Variants in PEDS1 observed in about 807,000 individuals in gnomAD.
PEDS1 encodes CarF homolog.
A neutral mutation model predicts 35.2 loss-of-function variants in PEDS1; 14 were observed. The ratio of observed to expected loss-of-function variants is 0.40; its 90% CI spans 0.26 to 0.62. The LOEUF is 0.62. Among genes scored for constraint, PEDS1 ranks in the 20% least tolerant of loss-of-function variants. PEDS1 has a pLI of 0.44. For missense variants in PEDS1, 260 were observed against 367.8 expected, an observed-to-expected ratio of 0.71 and a Z score of 2.40; for synonymous variants, 152 against 152.0, an observed-to-expected ratio of 1.00 and a Z score of 0.00.
Position 50,142,149 on chromosome 20 carries a change from G to T in PEDS1, c.241+1353C>A, listed in dbSNP as rs1166905998. ...CTCTGAGCCTCAGTTCCCTCATCTGGAAAATGATGACAACCTTAGCGTAAG... is the reference window on the plus strand; with the variant it reads ...CTCTGAGCCTCAGTTCCCTCATCTGTAAAATGATGACAACCTTAGCGTAAG... On this transcript the variant is annotated intron_variant, in intron 2 of 5. Coordinates refer to ENST00000371652, the MANE Select transcript of PEDS1 (RefSeq NM_199129.4). Among the ~76,000 whole-genome samples, 4 of 152,320 alleles carry T rather than the reference G, an allele frequency of 2.6e-5. No individual in the cohort carries two copies. In the East Asian group the frequency reaches 7.7e-4, roughly 29 times the overall value.
rs915418226 is a variant in PEDS1 at position 50,119,786 on chromosome 20, G to A, written c.*5272C>T. Reference sequence around the variant, plus strand: ...ACTTTTCTCTGTAAAGGGCCAGATCGTAAATATTTTAGGCTGTGTGGACCA... The same window carrying A: ...ACTTTTCTCTGTAAAGGGCCAGATCATAAATATTTTAGGCTGTGTGGACCA... On this transcript the variant is annotated 3_prime_UTR_variant, in exon 6 of 6. Transcript: ENST00000371652. The A allele has an allele frequency of 1.1e-4, 16 of 152,204 alleles. No individual in the cohort carries two copies. Among genetic ancestry groups the A allele is most frequent in the Non-Finnish European group, 2.4e-4 (16 of 68,044 alleles). 9.4% of individuals were successfully genotyped at this position (152,204 alleles called of 1,614,324 possible).
chr20:50,152,145 A>C (rs1207464822), intron 1 of PEDS1, among the ~76,000 whole-genome samples: 1 of 152,208 alleles, frequency 6.6e-6, no homozygotes, highest in East Asian at 1.9e-4. Context: ...TGAAGAAACC[A>C]TAGCGGCATG....
At chr20:50,126,677 G>A (rs532360350) in intron 5 of PEDS1, among the ~76,000 whole-genome samples, 1 of 152,188 alleles carries the variant, frequency 6.6e-6, no homozygotes, top group Non-Finnish European at 1.5e-5. Flanking sequence ...GAGAAGCTGA[G>A]AGTTAGGCCT....
chr20:50,128,959 C>T lies in PEDS1; in HGVS notation c.478+587G>A, dbSNP rs116453456. Among the ~76,000 whole-genome samples the T allele has an allele frequency of 2.2e-3, 341 of 152,304 alleles. 1 individual carries two copies. The highest frequency in any genetic ancestry group is 7.6e-3 in the African/African-American group (314 of 41,570). On this transcript the variant is annotated intron_variant, in intron 4 of 5. Transcript: ENST00000371652. The surrounding 1 kb of genome is among the most constrained non-coding windows in gnomAD (Gnocchi z 5.2). ...GGGCAGGGTGCCATAGCACCCACTA[C>T]ACTACACGTCCTCACCACCTCTACC...
chr20:50,130,986 C>A (rs780894276), intron 2 of PEDS1, 39 bp from the exon 3 acceptor site: 3 of 1,613,918 alleles, frequency 1.9e-6, no homozygotes. Context: ...ATCCCTGCAC[C>A]CCCCCAATCA....
chr20:50,137,283 A>C (rs2081246794), intron 2 of PEDS1, among the ~76,000 whole-genome samples: 1 of 152,120 alleles, frequency 6.6e-6, no homozygotes, highest in African/African-American at 2.4e-5. Context: ...CCCACTCACA[A>C]ATCCTAAAGT....
At chr20:50,137,217 G>C (rs889881959) in intron 2 of PEDS1, among the ~76,000 whole-genome samples, 1 of 152,100 alleles carries the variant, frequency 6.6e-6, no homozygotes, top group Non-Finnish European at 1.5e-5. Context: ...CAGCTGTAGA[G>C]ACAAGGGTCT....
chr20:50,152,877 G>C (rs1400209189), intron 1 of PEDS1, among the ~76,000 whole-genome samples: 2 of 152,040 alleles, frequency 1.3e-5, no homozygotes, highest in East Asian at 3.9e-4. Context: ...AGAGGATATC[G>C]GTCTGTAGCC....
rs752605583 is a variant in PEDS1, at chr20:50,127,965, G to C, written c.691+10C>G. 6.2e-7 allele frequency: 1 copy of C among 1,612,356 alleles called. No individual in the cohort carries two copies. The highest frequency in any genetic ancestry group is 8.5e-7 in the Non-Finnish European group (1 of 1,179,456). Reference sequence around the variant, plus strand: ...GGGGAAAGCCCATTCCACGCCACTGGTGGCCGCACCTGTGGTGATGCAGAA... The same window carrying C: ...GGGGAAAGCCCATTCCACGCCACTGCTGGCCGCACCTGTGGTGATGCAGAA... On this transcript the variant is annotated intron_variant, in intron 5 of 5. Coordinates refer to ENST00000371652, the MANE Select transcript of PEDS1 (RefSeq NM_199129.4).
rs948541978 is a variant in PEDS1, at chr20:50,123,807, CAGG to C, written c.*1248_*1250del. ...TTTATTTGTTTATTGACTCTTTTCC[CAGG>C]AGGTCAGCTCCACCAGGATAGGTCT... On this transcript the variant is annotated 3_prime_UTR_variant, in exon 6 of 6. Transcript: ENST00000371652. The C allele has an allele frequency of 2.0e-5, 3 of 152,278 alleles. No homozygotes were observed. The highest frequency in any genetic ancestry group is 4.8e-5 in the African/African-American group (2 of 41,444). The allele number at this position is 152,278 out of a possible 1,614,324, so 9.4% of individuals were successfully genotyped here. A position where few individuals can be genotyped will look rare whatever the true frequency, so the allele number is the denominator to read the frequency against.
chr20:50,135,820 G>A (rs1192219225), intron 2 of PEDS1, among the ~76,000 whole-genome samples: 1 of 152,178 alleles, frequency 6.6e-6, no homozygotes, highest in Non-Finnish European at 1.5e-5. Flanking sequence ...GGATTCAGAT[G>A]GTAGGTGCTC....
At chr20:50,136,937 G>C (rs1223931168) in intron 2 of PEDS1, among the ~76,000 whole-genome samples, 21 of 151,014 alleles carry the variant, frequency 1.4e-4, no homozygotes, top group Admixed American at 1.4e-3. Context: ...AGGCTGAAGT[G>C]GGAGGACTGC....
intron 2 of PEDS1, among the ~76,000 whole-genome samples, chr20:50,133,287 G>C (rs535404817): frequency 6.6e-6 from 1 of 152,110 alleles, no homozygotes; most frequent in Non-Finnish European, 1.5e-5. Flanking sequence ...TGCCAAGCAC[G>C]GGAGGGGTGG....
chr20:50,140,580 C>A (rs1601224784), intron 2 of PEDS1, among the ~76,000 whole-genome samples: 1 of 146,198 alleles, frequency 6.8e-6, no homozygotes, highest in Non-Finnish European at 1.5e-5. Flanking sequence ...TGCCCCTCCC[C>A]AAGATCTCTG....
At chr20:50,146,098 A>G (rs919829417) in intron 1 of PEDS1, among the ~76,000 whole-genome samples, 4 of 152,148 alleles carry the variant, frequency 2.6e-5, no homozygotes, top group Non-Finnish European at 5.9e-5. Context: ...CCCCCACTTA[A>G]GCAGCGGGGC....
chr20:50,127,489 C>A (rs1468371140), intron 5 of PEDS1, among the ~76,000 whole-genome samples: 1 of 151,992 alleles, frequency 6.6e-6, no homozygotes, highest in Non-Finnish European at 1.5e-5. Flanking sequence ...TTACAGGTGC[C>A]TGCCACCAAG....
chr20:50,145,847 C>T (rs1214703794), intron 1 of PEDS1, among the ~76,000 whole-genome samples: 5 of 152,208 alleles, frequency 3.3e-5, no homozygotes, highest in Non-Finnish European at 7.3e-5. Flanking sequence ...GCAGTTACTA[C>T]ATATCAGGCG....
intron 2 of PEDS1, among the ~76,000 whole-genome samples, chr20:50,133,604 GA>G (rs2081202185): frequency 1.3e-5 from 2 of 152,130 alleles, no homozygotes; most frequent in Non-Finnish European, 2.9e-5. Flanking sequence ...GGAAGCCCCA[GA>G]AGGGCTTCTG....
chr20:50,146,102 G>T (rs958443027), intron 1 of PEDS1, among the ~76,000 whole-genome samples: 2 of 152,198 alleles, frequency 1.3e-5, no homozygotes, highest in Non-Finnish European at 2.9e-5. Flanking sequence ...CACTTAAGCA[G>T]CGGGGCCAGG....
Sources: allele counts gnomAD v4.1 joint callset (sites outside exome capture counted in the v4.1 genomes callset), GRCh38; gene constraint gnomAD v4.1.1; non-coding constraint Gnocchi (gnomAD v3.1); transcripts MANE v1.5; gene names NCBI Gene and HGNC (gene_info 2026-07-23, HGNC 2026-07-21).